The following TOR4A variants were observed in gnomAD, a reference collection of about 807,000 sequenced individuals.
TOR4A encodes the protein torsin-4A.
TOR4A carries 12 observed loss-of-function variants against 11.5 expected under a neutral mutation model. The observed-to-expected ratio is 1.04, with a 90% CI of 0.67 to 1.69. The LOEUF (loss-of-function observed/expected upper bound fraction) is 1.69. Ranked by LOEUF, TOR4A falls within the 40% of genes most tolerant of loss-of-function variation. TOR4A has a pLI of 0.00. For synonymous variants in TOR4A, 362 were observed against 307.4 expected (o/e 1.18, Z -1.86); for missense variants, 640 against 643.2 (o/e 0.99, Z 0.05).
rs1328001241 is a variant in TOR4A at position 137,278,727 on chromosome 9, C to T, written c.38C>T (p.Ala13Val). Residue 13 changes from alanine (A) to valine (V), a missense_variant, in exon 2 of 2, where the codon GCG (alanine) becomes GTG (valine). Coordinates refer to ENST00000357503, the MANE Select transcript of TOR4A (RefSeq NM_017723.3). ...RGQPSLEPAA[A>V]APRASGRCVI... ...CAGCCCAGCCTGGAGCCTGCTGCCG[C>T]GGCCCCCCGAGCCTCGGGCCGGTGC... 1 of 1,374,824 alleles carries T rather than the reference C, an allele frequency of 7.3e-7. No homozygotes were observed. 85.2% of individuals were successfully genotyped at this position (1,374,824 alleles called of 1,614,324 possible). A position where few individuals can be genotyped will look rare whatever the true frequency, so the allele number is the denominator to read the frequency against.
Position 137,279,146 on chromosome 9 carries a change from C to A in TOR4A, c.457C>A (p.Leu153Met). ...DNAQRYDLDG[L>M]EKALQRAVFG... ...CGCGCAGCGCTATGACCTCGACGGG[C>A]TGGAGAAAGCGCTGCAGCGCGCGGT... is the stretch of plus-strand genomic sequence containing the variant. The change falls in exon 2 of 2, where the codon CTG becomes ATG. Residue 153 changes from leucine to methionine, a missense_variant. Leu to Met is a conservative substitution (Grantham distance 15). Transcript: ENST00000357503. 1 of 1,576,702 alleles carries A rather than the reference C, an allele frequency of 6.3e-7. No homozygotes were observed. The highest frequency in any genetic ancestry group is 8.6e-7 in the Non-Finnish European group (1 of 1,161,678).
chr9:137,278,995 C>A lies in TOR4A; in HGVS notation c.306C>A (p.Tyr102Ter). The A allele has an allele frequency of 6.2e-7, 1 of 1,607,008 alleles. No homozygotes were observed. The highest frequency in any genetic ancestry group is 8.5e-7 in the Non-Finnish European group (1 of 1,177,698). The change falls in exon 2 of 2, where the codon TAC becomes TAA. Residue 102 changes from tyrosine (Y) to a stop codon, truncating the protein, a stop_gained. Coordinates refer to ENST00000357503, the MANE Select transcript of TOR4A (RefSeq NM_017723.3). LOFTEE classifies it high-confidence loss of function. ...GCCGGCGCAGCCGCCTGGTGCTTTA[C>A]CCGGAGACCTCGCGCAAGTATCGGC... ...KKRRRSRLVLYPETSRKYRPR... is the reference protein window; with the variant it reads ...KKRRRSRLVL
Position 137,279,845 on chromosome 9 carries a change from C to T in TOR4A, c.1156C>T (p.Pro386Ser). Residue 386 changes from proline to serine, a missense_variant, in exon 2 of 2, where the codon CCT (proline) becomes TCT (serine). Pro to Ser is a moderately conservative substitution (Grantham distance 74). Transcript: ENST00000357503. ...CGAGATGGCGGGTGAGGGCTTCTTT[C>T]CTGACCAGGCCCGCGCGGAGAACCT... ...RDEMAGEGFFPDQARAENLAA... is the reference protein window; with the variant it reads ...RDEMAGEGFFSDQARAENLAA... The T allele has an allele frequency of 1.3e-6, 2 of 1,594,400 alleles. No homozygotes were observed. The highest frequency in any genetic ancestry group is 2.3e-5 in the East Asian group (1 of 44,252).
Position 137,278,227 on chromosome 9 carries a change from G to T in TOR4A, c.-38+320G>T, listed in dbSNP as rs575180723. Reference sequence around the variant, plus strand: ...CTGGGCGCTCAGGCCTCTGCTTCCCGCGGCCCCTCCTTGGGAGACGGCCCA... The same window carrying T: ...CTGGGCGCTCAGGCCTCTGCTTCCCTCGGCCCCTCCTTGGGAGACGGCCCA... On this transcript the variant is annotated intron_variant, in intron 1 of 1. Transcript: ENST00000357503. 3.9e-5 allele frequency among the ~76,000 whole-genome samples: 6 copies of T among 152,286 alleles called. No homozygotes were observed. The East Asian group carries it at 1.2e-3, about 30-fold the overall frequency.
chr9:137,280,020 C>T lies in TOR4A; in HGVS notation c.*59C>T, dbSNP rs1830696752. On this transcript the variant is annotated 3_prime_UTR_variant, in exon 2 of 2. Transcript: ENST00000357503. ...CGGCAGTAGGAGGGCGACCAGGGAC[C>T]TTGTGGGCTGGTGCAGGCCCCTGAG... The T allele has an allele frequency of 1.3e-6, 2 of 1,494,418 alleles. No homozygotes were observed. Among genetic ancestry groups the T allele is most frequent in the African/African-American group, 2.8e-5 (2 of 71,932 alleles). The allele number at this position is 1,494,418 out of a possible 1,614,324, so 92.6% of individuals were successfully genotyped here. A position where few individuals can be genotyped will look rare whatever the true frequency, so the allele number is the denominator to read the frequency against.
rs1830730939 is a variant in TOR4A, at chr9:137,282,357, CG to C, written c.*2397del. On this transcript the variant is annotated 3_prime_UTR_variant, in exon 2 of 2. Coordinates refer to ENST00000357503, the MANE Select transcript of TOR4A (RefSeq NM_017723.3). ...CTGGGATTACAGGCGCCCGCCATCA[CG>C]CCCGGGTAATTTTTTTGTATTGTTG... 1 of 154,846 alleles carries C rather than the reference CG, an allele frequency of 6.5e-6. No individual in the cohort carries two copies. The highest frequency in any genetic ancestry group is 1.5e-5 in the Non-Finnish European group (1 of 68,066). The allele number at this position is 154,846 out of a possible 1,614,324, so 9.6% of individuals were successfully genotyped here.
In TOR4A at chr9:137,279,333, T is replaced by A. The variant is rs1475623173; in HGVS notation, c.644T>A (p.Leu215Gln). 6.5e-7 allele frequency: 1 copy of A among 1,533,444 alleles called. No individual in the cohort carries two copies. The highest frequency in any genetic ancestry group is 1.2e-5 in the South Asian group (1 of 83,882). 95.0% of individuals were successfully genotyped at this position (1,533,444 alleles called of 1,614,324 possible). The change falls in exon 2 of 2, where the codon CTG becomes CAG. Residue 215 changes from leucine (L) to glutamine (Q), a missense_variant. Coordinates refer to ENST00000357503, the MANE Select transcript of TOR4A (RefSeq NM_017723.3). ...CTGGCGCGCCACTTCCGCTCGGTGC[T>A]GGAGGACAGCGCGCTCGTGCTGCAA... Reference protein sequence around the residue: ...RLLARHFRSVLEDSALVLQYH... With the variant: ...RLLARHFRSVQEDSALVLQYH...
At position 137,277,744 on chromosome 9, in the gene TOR4A, C is replaced by T. The variant is rs1021143002; in HGVS notation, c.-201C>T. 2.0e-5 allele frequency: 3 copies of T among 152,374 alleles called. No homozygotes were observed. Among genetic ancestry groups the T allele is most frequent in the Non-Finnish European group, 2.9e-5 (2 of 68,188 alleles). The allele number at this position is 152,374 out of a possible 1,614,324, so 9.4% of individuals were successfully genotyped here. A position where few individuals can be genotyped will look rare whatever the true frequency, so the allele number is the denominator to read the frequency against. ...TTCCTCTACTCCGGCCGGCCGCTCC[C>T]TGGGGACCCACAGGTGTCGCTGCCC... is the stretch of plus-strand genomic sequence containing the variant. On this transcript the variant is annotated 5_prime_UTR_variant, in exon 1 of 2. Transcript: ENST00000357503.
Position 137,281,174 on chromosome 9 carries a change from G to T in TOR4A, c.*1213G>T. 1 of 165,604 alleles carries T rather than the reference G, an allele frequency of 6.0e-6. No homozygotes were observed. 10.3% of individuals were successfully genotyped at this position (165,604 alleles called of 1,614,324 possible). A position where few individuals can be genotyped will look rare whatever the true frequency, so the allele number is the denominator to read the frequency against. On this transcript the variant is annotated 3_prime_UTR_variant, in exon 2 of 2. Transcript: ENST00000357503. ...CCGGGCCTGCCCGGGAGGAGCGCAG[G>T]GGCGGCGATGACCAGTCCCGAAAGG...
rs1830705008 is a variant in TOR4A, at chr9:137,280,613, G to A, written c.*652G>A. The A allele has an allele frequency of 6.0e-6, 1 of 167,080 alleles. No homozygotes were observed. The highest frequency in any genetic ancestry group is 2.4e-5 in the African/African-American group (1 of 41,424). The allele number at this position is 167,080 out of a possible 1,614,324, so 10.3% of individuals were successfully genotyped here. A position where few individuals can be genotyped will look rare whatever the true frequency, so the allele number is the denominator to read the frequency against. On this transcript the variant is annotated 3_prime_UTR_variant, in exon 2 of 2. Coordinates refer to ENST00000357503, the MANE Select transcript of TOR4A (RefSeq NM_017723.3). Reference sequence around the variant, plus strand: ...CCTGGCTTGGGCTTACTGGGTGACCGAGAGCCCGCGGGGCAAGCGGGAGGT... The same window carrying A: ...CCTGGCTTGGGCTTACTGGGTGACCAAGAGCCCGCGGGGCAAGCGGGAGGT...
Position 137,278,982 on chromosome 9 carries a change from G to A in TOR4A, c.293G>A (p.Arg98His). Reference sequence around the variant, plus strand: ...CCACGCAAGAAGCGCCGGCGCAGCCGCCTGGTGCTTTACCCGGAGACCTCG... The same window carrying A: ...CCACGCAAGAAGCGCCGGCGCAGCCACCTGGTGCTTTACCCGGAGACCTCG... ...RTPRKKRRRS[R>H]LVLYPETSRK... The change falls in exon 2 of 2, where the codon CGC becomes CAC. Residue 98 changes from arginine to histidine, a missense_variant. Coordinates refer to ENST00000357503, the MANE Select transcript of TOR4A (RefSeq NM_017723.3). The A allele has an allele frequency of 6.2e-7, 1 of 1,606,254 alleles. No homozygotes were observed.
At position 137,278,171 on chromosome 9, in the gene TOR4A, T is replaced by A. The variant is rs1830666644; in HGVS notation, c.-38+264T>A. Among the ~76,000 whole-genome samples, 7 of 152,234 alleles carry A rather than the reference T, an allele frequency of 4.6e-5. No homozygotes were observed. The South Asian group carries it at 1.5e-3, about 32-fold the overall frequency. On this transcript the variant is annotated intron_variant, in intron 1 of 1. Coordinates refer to ENST00000357503, the MANE Select transcript of TOR4A (RefSeq NM_017723.3). ...GTTCCAGCCAGACCCCCGCCAAGTGTTCTGGAGCGTGTGGGGGCGTCTCTG... is the reference window on the plus strand; with the variant it reads ...GTTCCAGCCAGACCCCCGCCAAGTGATCTGGAGCGTGTGGGGGCGTCTCTG...
At position 137,279,660 on chromosome 9, in the gene TOR4A, A is replaced by G; in HGVS notation, c.971A>G (p.Asp324Gly). ...TCCCGCGCGCTGCCCCTGCGCCCCG[A>G]CGGCTTCCGCAGTGCCGAGGCCGCA... ...NASRALPLRP[D>G]GFRSAEAAAA... is the part of the protein sequence containing the mutation. Residue 324 changes from aspartate to glycine, a missense_variant, in exon 2 of 2, where the codon GAC (aspartate) becomes GGC (glycine). Physicochemically the swap from Asp to Gly is moderately conservative, Grantham distance 94. Coordinates refer to ENST00000357503, the MANE Select transcript of TOR4A (RefSeq NM_017723.3). 1.3e-6 allele frequency: 2 copies of G among 1,564,560 alleles called. No homozygotes were observed. Among genetic ancestry groups the G allele is most frequent in the Non-Finnish European group, 1.7e-6 (2 of 1,160,600 alleles).
Position 137,278,821 on chromosome 9 carries a change from C to T in TOR4A, c.132C>T (p.Leu44=). The T allele has an allele frequency of 6.7e-7, 1 of 1,485,714 alleles. No individual in the cohort carries two copies. The highest frequency in any genetic ancestry group is 8.9e-7 in the Non-Finnish European group (1 of 1,128,166). 92.0% of individuals were successfully genotyped at this position (1,485,714 alleles called of 1,614,324 possible). The change falls in exon 2 of 2, where the codon CTC becomes CTT. Residue 44 remains leucine (L), a synonymous_variant. Transcript: ENST00000357503. ...TGTGTGTCCTACGCAAACGGCGCCTCCTGCAGCCGGGTGGGGGGCCCGACG... is the reference window on the plus strand; with the variant it reads ...TGTGTGTCCTACGCAAACGGCGCCTTCTGCAGCCGGGTGGGGGGCCCGACG... ...RRVCVLRKRR[L]LQPGGGPDVG... is the part of the protein sequence containing the mutation.
chr9:137,278,960 C>G lies in TOR4A; in HGVS notation c.271C>G (p.Arg91Gly). Reference protein sequence around the residue: ...SPAELPSRTPRKKRRRSRLVL... With the variant: ...SPAELPSRTPGKKRRRSRLVL... Reference sequence around the variant, plus strand: ...CGCGGAGCTACCCTCCAGGACGCCACGCAAGAAGCGCCGGCGCAGCCGCCT... The same window carrying G: ...CGCGGAGCTACCCTCCAGGACGCCAGGCAAGAAGCGCCGGCGCAGCCGCCT... The change falls in exon 2 of 2, where the codon CGC (arginine) becomes GGC (glycine). Residue 91 changes from arginine to glycine, a missense_variant. By Grantham distance (125) the Arg-to-Gly change is moderately radical. Transcript: ENST00000357503. 1.2e-6 allele frequency: 2 copies of G among 1,604,816 alleles called. No individual in the cohort carries two copies. Among genetic ancestry groups the G allele is most frequent in the Non-Finnish European group, 8.5e-7 (1 of 1,177,980 alleles).
In TOR4A at chr9:137,280,912, G is replaced by A. The variant is rs920070593; in HGVS notation, c.*951G>A. ...GGGGCTTTAGGGGAAGGTGCTTTGG[G>A]CGTTTTTTGCGCCATGTCTCCTCGG... On this transcript the variant is annotated 3_prime_UTR_variant, in exon 2 of 2. Transcript: ENST00000357503. The A allele has an allele frequency of 2.4e-5, 4 of 167,208 alleles. No homozygotes were observed. The highest frequency in any genetic ancestry group is 9.6e-5 in the African/African-American group (4 of 41,576). 10.4% of individuals were successfully genotyped at this position (167,208 alleles called of 1,614,324 possible).
Position 137,281,786 on chromosome 9 carries a change from C to G in TOR4A, c.*1825C>G, listed in dbSNP as rs905512251. On this transcript the variant is annotated 3_prime_UTR_variant, in exon 2 of 2. Coordinates refer to ENST00000357503, the MANE Select transcript of TOR4A (RefSeq NM_017723.3). ...GCTGTGCAGGACCGGCTAGCCAGCG[C>G]TGGGAACCAGGGCTGAGTTCAGCCC... is the stretch of plus-strand genomic sequence containing the variant. 1.2e-5 allele frequency: 2 copies of G among 165,022 alleles called. No individual in the cohort carries two copies. Among genetic ancestry groups the G allele is most frequent in the Non-Finnish European group, 2.9e-5 (2 of 68,152 alleles). 10.2% of individuals were successfully genotyped at this position (165,022 alleles called of 1,614,324 possible). A position where few individuals can be genotyped will look rare whatever the true frequency, so the allele number is the denominator to read the frequency against.
chr9:137,279,488 G>T lies in TOR4A; in HGVS notation c.799G>T (p.Asp267Tyr). 1 of 1,566,426 alleles carries T rather than the reference G, an allele frequency of 6.4e-7. No individual in the cohort carries two copies. The highest frequency in any genetic ancestry group is 8.6e-7 in the Non-Finnish European group (1 of 1,157,702). ...EEKTPLLVLDDVELMPRPLLD... is the reference protein window; with the variant it reads ...EEKTPLLVLDYVELMPRPLLD... ...GAAGACCCCACTCTTGGTGCTGGAC[G>T]ACGTGGAGCTCATGCCGCGGCCGCT... Residue 267 changes from aspartate to tyrosine, a missense_variant, in exon 2 of 2, where the codon GAC becomes TAC. Transcript: ENST00000357503.
chr9:137,278,260 G>T (rs1464004217), intron 1 of TOR4A, among the ~76,000 whole-genome samples: 2 of 152,178 alleles, frequency 1.3e-5, no homozygotes, highest in Non-Finnish European at 2.9e-5. Context: ...CCAGTCCAGT[G>T]GGAGCCGCGG....
Sources: gnomAD v4.1 joint callset for allele counts (sites outside exome capture counted in the v4.1 genomes callset) on GRCh38, gnomAD v4.1.1 for gene constraint, MANE v1.5 for transcripts, NCBI Gene and HGNC (gene_info 2026-07-23, HGNC 2026-07-21) for gene names.